The following MBOAT2 variants were observed in gnomAD, a reference collection of about 807,000 sequenced individuals.
The protein encoded by MBOAT2 is membrane bound glycerophospholipid O-acyltransferase 2.
In MBOAT2, 28 loss-of-function variants were observed where a neutral mutation model predicts 63.4. The observed-to-expected ratio is 0.44, with a 90% CI of 0.33 to 0.61. MBOAT2 has a LOEUF of 0.61. Among genes scored for constraint, MBOAT2 ranks in the 20% least tolerant of loss-of-function variants. The probability of loss-of-function intolerance (pLI) is 0.03; values close to 1 mark genes in which losing one functional copy is unlikely to be tolerated. For missense variants in MBOAT2, 470 were observed against 605.8 expected (o/e 0.78, Z 2.35); for synonymous variants, 211 against 215.6 (o/e 0.98, Z 0.19).
intron 4 of MBOAT2, among the ~76,000 whole-genome samples, chr2:8,903,884 AATTT>A (rs1665141601): frequency 6.6e-6 from 1 of 152,148 alleles, no homozygotes; most frequent in Admixed American, 6.5e-5. Context: ...AAAAATTTTC[AATTT>A]ATTTATCTAA....
intron 7 of MBOAT2, among the ~76,000 whole-genome samples, chr2:8,876,108 T>C (rs999503282): frequency 9.2e-5 from 14 of 152,240 alleles, no homozygotes; most frequent in Admixed American, 3.3e-4. Flanking sequence ...ATGGAAACTT[T>C]ATAGATTTTA....
chr2:8,921,635 A>G (rs186723698), intron 3 of MBOAT2, among the ~76,000 whole-genome samples: 1 of 152,278 alleles, frequency 6.6e-6, no homozygotes, highest in Admixed American at 6.5e-5. Context: ...TGTCTTTACT[A>G]AACCTTCATT....
chr2:8,906,539 T>C (rs1005836328), intron 4 of MBOAT2, among the ~76,000 whole-genome samples: 2 of 152,186 alleles, frequency 1.3e-5, no homozygotes, highest in African/African-American at 4.8e-5. Flanking sequence ...CCCTTCTCAA[T>C]GAACTGTAAT....
At chr2:8,946,642 T>A (rs1008943544) in intron 2 of MBOAT2, among the ~76,000 whole-genome samples, 8 of 152,208 alleles carry the variant, frequency 5.3e-5, no homozygotes, top group African/African-American at 1.9e-4. Flanking sequence ...TTCTCAACAA[T>A]ATTTCAAACT....
At chr2:8,879,280 A>G (rs958147989) in intron 6 of MBOAT2, among the ~76,000 whole-genome samples, 6 of 152,174 alleles carry the variant, frequency 3.9e-5, no homozygotes, top group Non-Finnish European at 8.8e-5. Flanking sequence ...GTACTCTAGC[A>G]GCAGAGCTCC....
At chr2:8,906,007 G>T (rs1665298297) in intron 4 of MBOAT2, among the ~76,000 whole-genome samples, 1 of 151,982 alleles carries the variant, frequency 6.6e-6, no homozygotes, top group Non-Finnish European at 1.5e-5. Context: ...ACCTGGGCTG[G>T]AGTGCAGTGG....
chr2:8,986,571 A>G (rs1056551533), intron 1 of MBOAT2, among the ~76,000 whole-genome samples: 3 of 152,062 alleles, frequency 2.0e-5, no homozygotes, highest in Non-Finnish European at 4.4e-5. Context: ...TCTTTAAAAA[A>G]AAAAAAGTAA....
At chr2:8,910,848 A>G (rs1374440808) in intron 3 of MBOAT2, among the ~76,000 whole-genome samples, 2 of 152,204 alleles carry the variant, frequency 1.3e-5, no homozygotes. Flanking sequence ...AGAGATGTTT[A>G]GGTCCCCAAA....
intron 3 of MBOAT2, among the ~76,000 whole-genome samples, chr2:8,929,781 T>G (rs552516744): frequency 6.6e-6 from 1 of 151,934 alleles, no homozygotes; most frequent in Non-Finnish European, 1.5e-5. Flanking sequence ...TGAGAGGAGG[T>G]TCCAGCTGGG....
At chr2:8,972,956 T>C (rs1159044760) in intron 1 of MBOAT2, among the ~76,000 whole-genome samples, 1 of 152,194 alleles carries the variant, frequency 6.6e-6, no homozygotes, top group Non-Finnish European at 1.5e-5. Flanking sequence ...TGGAAGACAA[T>C]GTGACGATTC....
chr2:8,887,981 T>C (rs1029283691), intron 5 of MBOAT2, 37 bp downstream of exon 5: 7 of 1,584,564 alleles, frequency 4.4e-6, no homozygotes, highest in Non-Finnish European at 6.1e-6. Context: ...TGGAATTAAA[T>C]TTTTTCAGCA....
chr2:8,946,048 G>A (rs1031855421), intron 2 of MBOAT2, among the ~76,000 whole-genome samples: 1 of 152,118 alleles, frequency 6.6e-6, no homozygotes, highest in African/African-American at 2.4e-5. Flanking sequence ...AAAGAGATTA[G>A]ATAAACACAA....
intron 4 of MBOAT2, among the ~76,000 whole-genome samples, chr2:8,900,648 TAGAA>T (rs551641011): frequency 6.6e-6 from 1 of 152,214 alleles, no homozygotes; most frequent in Admixed American, 6.5e-5. Flanking sequence ...TTATCATTAA[TAGAA>T]AGGGGAGCTA....
intron 1 of MBOAT2, among the ~76,000 whole-genome samples, chr2:8,967,710 A>G (rs1210327685): frequency 6.6e-6 from 1 of 152,206 alleles, no homozygotes; most frequent in East Asian, 1.9e-4. Context: ...TCAGTGAAAT[A>G]TAACTAGAAT....
chr2:8,999,618 G>A (rs1558700462), intron 1 of MBOAT2, among the ~76,000 whole-genome samples: 1 of 152,160 alleles, frequency 6.6e-6, no homozygotes, highest in African/African-American at 2.4e-5. Context: ...AGTGATTCCT[G>A]ATGTTGTCTA....
At chr2:8,909,785 C>T (rs552971282) in intron 3 of MBOAT2, among the ~76,000 whole-genome samples, 1 of 152,314 alleles carries the variant, frequency 6.6e-6, no homozygotes, top group East Asian at 1.9e-4. Flanking sequence ...AAAAATAGCA[C>T]ATATGGATAC....
At chr2:8,863,138 T>C (rs1330638945) in intron 10 of MBOAT2, among the ~76,000 whole-genome samples, 1 of 152,182 alleles carries the variant, frequency 6.6e-6, no homozygotes, top group Admixed American at 6.5e-5. Flanking sequence ...AATTCTTCTA[T>C]GACAGGGATA....
intron 1 of MBOAT2, among the ~76,000 whole-genome samples, chr2:8,968,937 C>CA (rs1670229857): frequency 6.6e-6 from 1 of 152,112 alleles, no homozygotes; most frequent in African/African-American, 2.4e-5. Context: ...AGAATGGAAC[C>CA]AAGTGGAAAA....
At chr2:8,861,817 T>C (rs955530994) in intron 11 of MBOAT2, among the ~76,000 whole-genome samples, 2 of 152,186 alleles carry the variant, frequency 1.3e-5, no homozygotes, top group Non-Finnish European at 2.9e-5. Context: ...GCATAAGGTA[T>C]GTACACACAT....
Sources: allele counts gnomAD v4.1 joint callset (sites outside exome capture counted in the v4.1 genomes callset), GRCh38; gene constraint gnomAD v4.1.1; transcripts MANE v1.5; gene names NCBI Gene and HGNC (gene_info 2026-07-23, HGNC 2026-07-21).